MAGI1: variants seen among roughly 807,000 people sequenced by gnomAD.
The protein encoded by MAGI1 is membrane-associated guanylate kinase, WW and PDZ domain-containing protein 1.
MAGI1 carries 58 observed loss-of-function variants against 139.9 expected under a neutral mutation model. The observed-to-expected ratio is 0.41, with a 90% CI of 0.34 to 0.52. MAGI1 has a LOEUF of 0.52. Among genes scored for constraint, MAGI1 ranks in the 20% least tolerant of loss-of-function variants. The pLI is 0.12. For synonymous variants in MAGI1, 812 were observed against 737.9 expected, an observed-to-expected ratio of 1.10 and a Z score of -1.63; for missense variants, 1,874 against 1,901.6, an observed-to-expected ratio of 0.99 and a Z score of 0.27.
intron 1 of MAGI1, among the ~76,000 whole-genome samples, chr3:65,686,113 T>C (rs2088003974): frequency 6.6e-6 from 1 of 152,182 alleles, no homozygotes. Flanking sequence ...TGTGACTCTC[T>C]ACTTGATTTT....
At chr3:66,031,783 C>A (rs1448755560) in intron 1 of MAGI1, among the ~76,000 whole-genome samples, 8 of 148,610 alleles carry the variant, frequency 5.4e-5, no homozygotes, top group East Asian at 2.0e-4. Context: ...TGCTATTAGC[C>A]AAAAAAAAAA....
At chr3:65,432,806 A>G (rs1249039628) in intron 10 of MAGI1, among the ~76,000 whole-genome samples, 1 of 152,180 alleles carries the variant, frequency 6.6e-6, no homozygotes, top group Non-Finnish European at 1.5e-5. Flanking sequence ...CTCTTGTAGC[A>G]GGTGCTGCTA....
chr3:65,637,765 T>C (rs761283606), intron 1 of MAGI1, among the ~76,000 whole-genome samples: 2 of 152,174 alleles, frequency 1.3e-5, no homozygotes, highest in Non-Finnish European at 2.9e-5. Context: ...TACGAAAGGC[T>C]TTCTCTGAAA....
At chr3:65,556,881 C>G (rs2080108122) in intron 2 of MAGI1, among the ~76,000 whole-genome samples, 1 of 152,202 alleles carries the variant, frequency 6.6e-6, no homozygotes, top group African/African-American at 2.4e-5. Context: ...GCAGCATCAT[C>G]TCTCAGTATA....
chr3:65,567,910 G>A (rs76336076), intron 2 of MAGI1, among the ~76,000 whole-genome samples: 3,774 of 152,232 alleles, frequency 0.025, 77 homozygotes, highest in Admixed American at 0.048. Flanking sequence ...CCACTGGCAT[G>A]TTATGTGATA....
At chr3:65,501,088 A>G (rs1054821766) in intron 2 of MAGI1, among the ~76,000 whole-genome samples, 2 of 152,298 alleles carry the variant, frequency 1.3e-5, no homozygotes, top group East Asian at 3.9e-4. Flanking sequence ...AATCAGCACT[A>G]CAATTTACTT....
At chr3:65,507,761 A>G (rs999048611) in intron 2 of MAGI1, among the ~76,000 whole-genome samples, 9 of 152,232 alleles carry the variant, frequency 5.9e-5, no homozygotes, top group African/African-American at 2.2e-4. Flanking sequence ...ACATTCTCAC[A>G]TTATGTGGTA....
At chr3:65,771,686 T>A (rs1334039377) in intron 1 of MAGI1, among the ~76,000 whole-genome samples, 1 of 152,278 alleles carries the variant, frequency 6.6e-6, no homozygotes, top group African/African-American at 2.4e-5. Flanking sequence ...GCACAAAAAA[T>A]TTTGAAACCT....
chr3:65,692,664 G>C (rs2088784705), intron 1 of MAGI1, among the ~76,000 whole-genome samples: 1 of 152,244 alleles, frequency 6.6e-6, no homozygotes, highest in Admixed American at 6.5e-5. Context: ...TGAAAGGTGG[G>C]ACCTTTGGCA....
chr3:65,784,337 G>A (rs907292535), intron 1 of MAGI1, among the ~76,000 whole-genome samples: 2 of 152,168 alleles, frequency 1.3e-5, no homozygotes, highest in Non-Finnish European at 2.9e-5. Context: ...ACAGAAACTA[G>A]TACGTGGATA....
chr3:65,760,148 TTCCTCCTCCTCCTCCTCC>T lies in MAGI1; in HGVS notation c.314-138078_314-138061del, dbSNP rs34314563. 6.0e-5 allele frequency among the ~76,000 whole-genome samples: 9 copies of T among 150,300 alleles called. 1 individual carries two copies. The highest frequency in any genetic ancestry group is 2.2e-4 in the African/African-American group (9 of 40,782). ...GATTGTTGTCATCATTGTCTTCAAC[TTCCTCCTCCTCCTCCTCC>T]TCCTCCTCCTCCCCGTCCTCCTTTA... On this transcript the variant is annotated intron_variant, in intron 1 of 22. Transcript: ENST00000402939.
chr3:65,704,429 T>C (rs539067752), intron 1 of MAGI1, among the ~76,000 whole-genome samples: 39 of 152,310 alleles, frequency 2.6e-4, no homozygotes, highest in African/African-American at 8.9e-4. Context: ...CTGGCTGTCC[T>C]AGATTGCCTC....
At chr3:65,920,212 AGCTGGTTTCCACC>A (rs2062110112) in intron 1 of MAGI1, among the ~76,000 whole-genome samples, 1 of 152,216 alleles carries the variant, frequency 6.6e-6, no homozygotes, top group African/African-American at 2.4e-5. Flanking sequence ...CTATTTAAAG[AGCTGGTTTCCACC>A]TGCATCCTGC....
rs563221210 is a variant in MAGI1 at position 65,569,490 on chromosome 3, C to T, written c.430+52482G>A. On this transcript the variant is annotated intron_variant, in intron 2 of 22. Transcript: ENST00000402939. ...ATTGAAAAAACCTTCTCCACTTATA[C>T]AAATGAATATGTGTGCACTGTGGAA... Among the ~76,000 whole-genome samples the T allele has an allele frequency of 9.9e-5, 15 of 152,242 alleles. No individual in the cohort carries two copies. In the South Asian group the frequency reaches 2.9e-3, roughly 29 times the overall value.
chr3:65,573,324 T>C (rs76643331), intron 2 of MAGI1, among the ~76,000 whole-genome samples: 9,561 of 152,028 alleles, frequency 0.063, 587 homozygotes, highest in African/African-American at 0.16. Context: ...ACCAATCATA[T>C]TCAACAATAA....
chr3:65,507,828 A>G (rs2077362565), intron 2 of MAGI1, among the ~76,000 whole-genome samples: 1 of 152,220 alleles, frequency 6.6e-6, no homozygotes, highest in African/African-American at 2.4e-5. Context: ...GTTTCTAGAT[A>G]GATGAGTCAT....
chr3:65,685,179 T>C (rs779489967), intron 1 of MAGI1, among the ~76,000 whole-genome samples: 23 of 151,928 alleles, frequency 1.5e-4, no homozygotes, highest in Non-Finnish European at 3.2e-4. Context: ...TTTCCATTAA[T>C]AAAAAAGTGC....
intron 1 of MAGI1, among the ~76,000 whole-genome samples, chr3:65,695,267 T>G (rs1047565214): frequency 6.6e-6 from 1 of 152,324 alleles, no homozygotes. Flanking sequence ...TGGGAGACTG[T>G]TGGGACAAAG....
chr3:65,789,757 G>C (rs1415767370), intron 1 of MAGI1, among the ~76,000 whole-genome samples: 3 of 152,138 alleles, frequency 2.0e-5, no homozygotes, highest in South Asian at 4.1e-4. Flanking sequence ...ATGAGCACTA[G>C]GTGGGGTTTA....
Sources: gnomAD v4.1 joint callset for allele counts (sites outside exome capture counted in the v4.1 genomes callset) on GRCh38, gnomAD v4.1.1 for gene constraint, MANE v1.5 for transcripts, NCBI Gene and HGNC (gene_info 2026-07-23, HGNC 2026-07-21) for gene names.